Variants in DAPK3 observed in about 807,000 individuals in gnomAD.
DAPK3 encodes death associated protein kinase 3.
Under a neutral mutation model 30.6 loss-of-function variants are expected in DAPK3, and 24 were observed. The observed-to-expected ratio is 0.78, with a 90% CI of 0.57 to 1.10. The LOEUF is 1.10. DAPK3 is among the 50% of genes least tolerant of loss of function. The pLI is 0.00. For synonymous variants in DAPK3, 341 were observed against 284.0 expected (o/e 1.20, Z -2.02); for missense variants, 629 against 657.3 (o/e 0.96, Z 0.47).
At position 3,959,432 on chromosome 19, in the gene DAPK3, C is replaced by G; in HGVS notation, c.1034G>C (p.Ser345Thr). ...AEEGLRELQR[S>T]RRLCHEDVEA... Reference sequence around the variant, plus strand: ...CACGTCCTCGTGGCAGAGCCGCCGGCTGCGCTGCAGCTCGCGCAGGCCCTC... The same window carrying G: ...CACGTCCTCGTGGCAGAGCCGCCGGGTGCGCTGCAGCTCGCGCAGGCCCTC... Residue 345 changes from serine (S) to threonine (T), a missense_variant, in exon 9 of 9, where the codon AGC (serine) becomes ACC (threonine). Physicochemically the swap from Ser to Thr is moderately conservative, Grantham distance 58. This residue lies in a region of DAPK3 where 323 missense variants were observed against 278.8 expected (regional missense o/e 1.16). Coordinates refer to ENST00000545797, the MANE Select transcript of DAPK3 (RefSeq NM_001348.3). 6.4e-7 allele frequency: 1 copy of G among 1,552,078 alleles called. No individual in the cohort carries two copies. Among genetic ancestry groups the G allele is most frequent in the Admixed American group, 1.9e-5 (1 of 52,882 alleles).
In DAPK3 at chr19:3,959,489, G is replaced by T; in HGVS notation, c.977C>A (p.Ser326Tyr). The part of the protein sequence containing the change: ...NNSYADFERF[S>Y]KVLEEAAAAE... The stretch of plus-strand genomic sequence containing the variant: ...GGCCGCCGCCTCCTCCAGCACCTTG[G>T]AGAAGCGCTCGAAGTCGGCGTAGCT... Residue 326 changes from serine to tyrosine, a missense_variant, in exon 9 of 9, where the codon TCC becomes TAC. Physicochemically the swap from Ser to Tyr is moderately radical, Grantham distance 144. Around this residue, in one of 2 missense-constraint regions of DAPK3, gnomAD observed 323 missense variants for 278.8 expected, o/e 1.16. Coordinates refer to ENST00000545797, the MANE Select transcript of DAPK3 (RefSeq NM_001348.3). 6.4e-7 allele frequency: 1 copy of T among 1,555,082 alleles called. No homozygotes were observed. Among genetic ancestry groups the T allele is most frequent in the East Asian group, 2.3e-5 (1 of 42,754 alleles).
chr19:3,969,993 A>G (rs1210329938), intron 1 of DAPK3, 164 bp from the exon 2 acceptor site: 1 of 527,634 alleles, frequency 1.9e-6, no homozygotes. Flanking sequence ...GGGTCCTGTC[A>G]TGTCACCTCT....
At position 3,959,557 on chromosome 19, in the gene DAPK3, C is replaced by T. The variant is rs1431205497; in HGVS notation, c.909G>A (p.Lys303=). The change falls in exon 9 of 9, where the codon AAG becomes AAA. Residue 303 remains lysine, a synonymous_variant. Transcript: ENST00000545797. ...TGGAGTGCGACTTGATGGTGTACTC[C>T]TTCAGACGCGTGGTCTTCAGGCGCC... is the stretch of plus-strand genomic sequence containing the variant. The part of the protein sequence containing the change: ...ERRRLKTTRL[K]EYTIKSHSSL... 12 of 1,581,842 alleles carry T rather than the reference C, an allele frequency of 7.6e-6. No homozygotes were observed. The highest frequency in any genetic ancestry group is 1.0e-5 in the Non-Finnish European group (12 of 1,172,946).
chr19:3,967,997 T>G (rs1173473325), intron 2 of DAPK3, among the ~76,000 whole-genome samples: 2 of 152,162 alleles, frequency 1.3e-5, no homozygotes, highest in Non-Finnish European at 2.9e-5. Context: ...AATTATGAAT[T>G]TCTGTTTGTT....
chr19:3,959,772 C>T (rs1357954686), intron 8 of DAPK3, 135 bp from the exon 9 acceptor site: 1 of 1,064,438 alleles, frequency 9.4e-7, no homozygotes, highest in Non-Finnish European at 1.3e-6. Flanking sequence ...GACTGCCCAG[C>T]CCGACGCAAA....
intron 3 of DAPK3, 59 bp from the exon 4 acceptor site, chr19:3,964,432 GCT>G: frequency 1.1e-6 from 1 of 923,138 alleles, no homozygotes; most frequent in Non-Finnish European, 1.5e-6. Flanking sequence ...TCACCCCCAC[GCT>G]CCCCAAACCT....
rs1476280022 is a variant in DAPK3, at chr19:3,959,210, C to A, written c.1256G>T (p.Arg419Leu). 3 of 1,600,610 alleles carry A rather than the reference C, an allele frequency of 1.9e-6. No individual in the cohort carries two copies. Among genetic ancestry groups the A allele is most frequent in the Non-Finnish European group, 2.5e-6 (3 of 1,177,828 alleles). The change falls in exon 9 of 9, where the codon CGC becomes CTC. Residue 419 changes from arginine (R) to leucine (L), a missense_variant. Coordinates refer to ENST00000545797, the MANE Select transcript of DAPK3 (RefSeq NM_001348.3). Reference protein sequence around the residue: ...LKRRFSRLENRYEALAKQVAS... With the variant: ...LKRRFSRLENLYEALAKQVAS... ...TACTTGCTTGGCCAGCGCCTCGTAG[C>A]GGTTCTCCAGGCGGCTGAAGCGGCG... is the stretch of plus-strand genomic sequence containing the variant.
chr19:3,966,640 G>A (rs1366563426), intron 2 of DAPK3, among the ~76,000 whole-genome samples: 1 of 152,224 alleles, frequency 6.6e-6, no homozygotes, highest in East Asian at 1.9e-4. Flanking sequence ...CCTCCTCCAT[G>A]CTGGAGTGGA....
rs1235737276 is a variant in DAPK3, at chr19:3,959,013, G to C, written c.*88C>G. 2.3e-6 allele frequency: 2 copies of C among 855,498 alleles called. No individual in the cohort carries two copies. Among genetic ancestry groups the C allele is most frequent in the African/African-American group, 1.8e-5 (1 of 56,488 alleles). The allele number at this position is 855,498 out of a possible 1,614,324, so 53.0% of individuals were successfully genotyped here. ...TGGCGCTGGGCAAGGACAGGCACCCGGGCGATGGGAGGCGCAGCGTCCACA... is the reference window on the plus strand; with the variant it reads ...TGGCGCTGGGCAAGGACAGGCACCCCGGCGATGGGAGGCGCAGCGTCCACA... On this transcript the variant is annotated 3_prime_UTR_variant, in exon 9 of 9. Coordinates refer to ENST00000545797, the MANE Select transcript of DAPK3 (RefSeq NM_001348.3).
At chr19:3,960,868 C>T (rs2039503044) in intron 7 of DAPK3, 141 bp downstream of exon 7, 1 of 675,092 alleles carries the variant, frequency 1.5e-6, no homozygotes, top group Non-Finnish European at 2.4e-6. Context: ...TCAGTTTACT[C>T]TCTCCAGCCC....
chr19:3,969,566 C>CT, intron 2 of DAPK3, 108 bp downstream of exon 2: 1 of 748,502 alleles, frequency 1.3e-6, no homozygotes, highest in African/African-American at 1.7e-5. Context: ...TGACTCATTC[C>CT]TTCTCAGCAT....
chr19:3,961,315 A>G, intron 6 of DAPK3, 154 bp from the exon 7 acceptor site: 1 of 732,598 alleles, frequency 1.4e-6, no homozygotes, highest in South Asian at 1.5e-5. Flanking sequence ...CCTTCCTGCA[A>G]CGATCCCAGA....
intron 6 of DAPK3, among the ~76,000 whole-genome samples, chr19:3,962,153 G>A (rs536987671): frequency 3.9e-5 from 6 of 152,244 alleles, no homozygotes; most frequent in East Asian, 1.9e-4. Flanking sequence ...CATCGCACCC[G>A]GCCCATCTAG....
At position 3,964,274 on chromosome 19, in the gene DAPK3, T is replaced by C; in HGVS notation, c.523A>G (p.Lys175Glu). 6.2e-7 allele frequency: 1 copy of C among 1,613,652 alleles called. No individual in the cohort carries two copies. Among genetic ancestry groups the C allele is most frequent in the Non-Finnish European group, 8.5e-7 (1 of 1,179,624 alleles). ...AACTCCGGGGTGCCGAAGATGTTCT[T>C]GAACTCGTTCCCCGCCTCGATCTTG... ...AHKIEAGNEF[K>E]NIFGTPEFVA... Residue 175 changes from lysine (K) to glutamate (E), a missense_variant, in exon 4 of 9, where the codon AAG (lysine) becomes GAG (glutamate). Lys to Glu is a moderately conservative substitution (Grantham distance 56, BLOSUM62 1). Around this residue, in one of 2 missense-constraint regions of DAPK3, gnomAD observed 306 missense variants for 378.5 expected, o/e 0.81. Coordinates refer to ENST00000545797, the MANE Select transcript of DAPK3 (RefSeq NM_001348.3).
In DAPK3 at chr19:3,961,002, C is replaced by T. The variant is rs373218193; in HGVS notation, c.782+7G>A. 5 of 1,613,028 alleles carry T rather than the reference C, an allele frequency of 3.1e-6. No individual in the cohort carries two copies. The African/African-American group carries it at 6.7e-5, about 22-fold the overall frequency. Reference sequence around the variant, plus strand: ...CCCACCCCGTGCCCCCTGCCGGCCCCTCGTACTTGGGATCTTTGACGAGCA... The same window carrying T: ...CCCACCCCGTGCCCCCTGCCGGCCCTTCGTACTTGGGATCTTTGACGAGCA... On this transcript the variant is annotated splice_region_variant and intron_variant, in intron 7 of 8. Transcript: ENST00000545797.
intron 7 of DAPK3, among the ~76,000 whole-genome samples, chr19:3,960,803 CA>C (rs34304441): frequency 0.013 from 1,211 of 94,022 alleles, 25 homozygotes; most frequent in African/African-American, 0.049. Context: ...GACTCCGTCT[CA>C]AAAAAAAAAA....
rs538455279 is a variant in DAPK3 at position 3,963,648 on chromosome 19, A to T, written c.624T>A (p.Tyr208Ter). Residue 208 changes from tyrosine (Y) to a stop codon, truncating the protein, a stop_gained, in exon 6 of 9, where the codon TAT becomes TAA. Coordinates refer to ENST00000545797, the MANE Select transcript of DAPK3 (RefSeq NM_001348.3). LOFTEE classifies it high-confidence loss of function. ...GGCCCCCGCCAGGTACTCACAGGAT[A>T]TAGGTGATGACACCGATGCTCCTGG... ...ADMWSIGVITYILLSGASPFL... is the reference protein window; with the variant it reads ...ADMWSIGVIT 2 of 1,534,716 alleles carry T rather than the reference A, an allele frequency of 1.3e-6. No homozygotes were observed. Among genetic ancestry groups the T allele is most frequent in the Non-Finnish European group, 1.8e-6 (2 of 1,142,594 alleles).
chr19:3,962,685 G>A (rs1568191482), intron 6 of DAPK3, among the ~76,000 whole-genome samples: 1 of 150,834 alleles, frequency 6.6e-6, no homozygotes, highest in Non-Finnish European at 1.5e-5. Flanking sequence ...GCTGAGGCAT[G>A]GGAATCACTT....
chr19:3,959,054 G>A lies in DAPK3; in HGVS notation c.*47C>T, dbSNP rs1331522589. 47 of 1,295,230 alleles carry A rather than the reference G, an allele frequency of 3.6e-5. No homozygotes were observed. Among genetic ancestry groups the A allele is most frequent in the Non-Finnish European group, 4.6e-5 (45 of 973,002 alleles). The allele number at this position is 1,295,230 out of a possible 1,614,324, so 80.2% of individuals were successfully genotyped here. A position where few individuals can be genotyped will look rare whatever the true frequency, so the allele number is the denominator to read the frequency against. The stretch of plus-strand genomic sequence containing the variant: ...AGCGTCCACAGGAAGCGCCCCCACC[G>A]CAGGCCGAGCTCCGGCTGTCCTGGG... On this transcript the variant is annotated 3_prime_UTR_variant, in exon 9 of 9. Coordinates refer to ENST00000545797, the MANE Select transcript of DAPK3 (RefSeq NM_001348.3).
Sources: allele counts gnomAD v4.1 joint callset (sites outside exome capture counted in the v4.1 genomes callset), GRCh38; gene constraint gnomAD v4.1.1; regional missense constraint gnomAD v4.1.1; transcripts MANE v1.5; gene names NCBI Gene and HGNC (gene_info 2026-07-23, HGNC 2026-07-21).